The following F2RL1 variants were observed in gnomAD, a reference collection of about 807,000 sequenced individuals.
F2RL1 encodes proteinase-activated receptor 2.
A neutral mutation model predicts 21.7 loss-of-function variants in F2RL1; 16 were observed. The observed-to-expected ratio is 0.74, with a 90% CI of 0.50 to 1.12. F2RL1 has a LOEUF of 1.12. Ranked by LOEUF, F2RL1 falls within the 50% of genes most tolerant of loss-of-function variation. The probability of loss-of-function intolerance (pLI) is 0.00; values close to 1 mark genes in which losing one functional copy is unlikely to be tolerated. For synonymous variants in F2RL1, 181 were observed against 186.7 expected, an observed-to-expected ratio of 0.97 and a Z score of 0.25; for missense variants, 432 against 477.8, an observed-to-expected ratio of 0.90 and a Z score of 0.89.
intron 1 of F2RL1, among the ~76,000 whole-genome samples, chr5:76,829,957 C>T (rs1750321626): frequency 6.6e-6 from 1 of 152,144 alleles, no homozygotes; most frequent in African/African-American, 2.4e-5. Flanking sequence ...AATAGAACCA[C>T]TAGAAATAGG....
chr5:76,832,687 C>G lies in F2RL1; in HGVS notation c.83-3C>G. 1 of 1,590,776 alleles carries G rather than the reference C, an allele frequency of 6.3e-7. No individual in the cohort carries two copies. On this transcript the variant is annotated splice_polypyrimidine_tract_variant and splice_region_variant and intron_variant, in intron 1 of 1. Coordinates refer to ENST00000296677, the MANE Select transcript of F2RL1 (RefSeq NM_005242.6). ...ATGACCCTTGTCTTCCTTTCTTGTA[C>G]AGGAACCAGTAGATCCTCTAAAGGA...
At chr5:76,831,195 T>A (rs539831795) in intron 1 of F2RL1, among the ~76,000 whole-genome samples, 2 of 152,264 alleles carry the variant, frequency 1.3e-5, no homozygotes, top group African/African-American at 4.8e-5. Flanking sequence ...AAGTCTGTCA[T>A]CAGTACAGCC....
chr5:76,823,503 C>T (rs987503362), intron 1 of F2RL1, among the ~76,000 whole-genome samples: 5 of 151,478 alleles, frequency 3.3e-5, no homozygotes, highest in African/African-American at 1.2e-4. Context: ...CTCAGCCTCT[C>T]AAGTAGATGG....
rs936004627 is a variant in F2RL1, at chr5:76,824,055, A to C, written c.82+4791A>C. The stretch of plus-strand genomic sequence containing the variant: ...TCTCGGTCTCCTGACCTCGTGACCC[A>C]CCTGCCTCGGCCTCCCAAAGTGCTG... On this transcript the variant is annotated intron_variant, in intron 1 of 1. Transcript: ENST00000296677. Among the ~76,000 whole-genome samples the C allele has an allele frequency of 8.1e-5, 12 of 148,174 alleles. No homozygotes were observed. In the East Asian group the frequency reaches 2.5e-3, roughly 30 times the overall value.
chr5:76,819,941 GT>G (rs1158380631), intron 1 of F2RL1, among the ~76,000 whole-genome samples: 1 of 152,198 alleles, frequency 6.6e-6, no homozygotes, highest in Admixed American at 6.5e-5. Flanking sequence ...GGTTCTGGTG[GT>G]AATGAGCGCT....
rs1750398754 is a variant in F2RL1, at chr5:76,833,615, C to T, written c.1008C>T (p.Asn336=). ...TAGCCCTCTGCCTCTCTACCCTTAACAGCTGCATCGACCCCTTTGTCTATT... is the reference window on the plus strand; with the variant it reads ...TAGCCCTCTGCCTCTCTACCCTTAATAGCTGCATCGACCCCTTTGTCTATT... The part of the protein sequence containing the change: ...YIVALCLSTL[N]SCIDPFVYYF... Residue 336 remains asparagine (N), a synonymous_variant, in exon 2 of 2, where the codon AAC becomes AAT. Transcript: ENST00000296677. 2 of 1,614,038 alleles carry T rather than the reference C, an allele frequency of 1.2e-6. No homozygotes were observed. Among genetic ancestry groups the T allele is most frequent in the South Asian group, 1.1e-5 (1 of 91,078 alleles).
In F2RL1 at chr5:76,833,927, C is replaced by A; in HGVS notation, c.*126C>A. On this transcript the variant is annotated 3_prime_UTR_variant, in exon 2 of 2. Transcript: ENST00000296677. ...CATACCATGTGGATGCAGCACCTCT[C>A]AGGATTGCTAGGAGCTCCCCTGTTT... 1 of 1,026,672 alleles carries A rather than the reference C, an allele frequency of 9.7e-7. No individual in the cohort carries two copies. Among genetic ancestry groups the A allele is most frequent in the Non-Finnish European group, 1.4e-6 (1 of 707,296 alleles). The allele number at this position is 1,026,672 out of a possible 1,614,324, so 63.6% of individuals were successfully genotyped here.
At chr5:76,827,744 C>T (rs1238671135) in intron 1 of F2RL1, among the ~76,000 whole-genome samples, 4 of 150,800 alleles carry the variant, frequency 2.7e-5, no homozygotes, top group African/African-American at 7.3e-5. Flanking sequence ...GGACTATAGG[C>T]GTGTGCCACC....
At position 76,823,002 on chromosome 5, in the gene F2RL1, G is replaced by A. The variant is rs1033412181; in HGVS notation, c.82+3738G>A. On this transcript the variant is annotated intron_variant, in intron 1 of 1. Transcript: ENST00000296677. Reference sequence around the variant, plus strand: ...ATCCCAGCACTTTGGAAGTCAAGGCGGGTGGATCACAAGGTCAGGAGATCA... The same window carrying A: ...ATCCCAGCACTTTGGAAGTCAAGGCAGGTGGATCACAAGGTCAGGAGATCA... Among the ~76,000 whole-genome samples, 9 of 152,236 alleles carry A rather than the reference G, an allele frequency of 5.9e-5. 1 individual carries two copies. Among genetic ancestry groups the A allele is most frequent in the East Asian group, 5.8e-4 (3 of 5,178 alleles).
At chr5:76,826,435 G>A (rs1750239748) in intron 1 of F2RL1, among the ~76,000 whole-genome samples, 1 of 152,148 alleles carries the variant, frequency 6.6e-6, no homozygotes, top group South Asian at 2.1e-4. Context: ...ATAGAAATGG[G>A]ATAATGTGTT....
chr5:76,821,608 C>A (rs1304699516), intron 1 of F2RL1, among the ~76,000 whole-genome samples: 3 of 125,618 alleles, frequency 2.4e-5, no homozygotes, highest in Non-Finnish European at 4.9e-5. Context: ...TTTTGACTCT[C>A]ATTCGGTTGC....
chr5:76,821,962 A>G (rs1235069655), intron 1 of F2RL1, among the ~76,000 whole-genome samples: 1 of 152,144 alleles, frequency 6.6e-6, no homozygotes, highest in Non-Finnish European at 1.5e-5. Context: ...GAAACATTTA[A>G]TTAAATCACC....
intron 1 of F2RL1, among the ~76,000 whole-genome samples, chr5:76,824,154 A>C (rs1032794803): frequency 0.011 from 780 of 69,486 alleles, no homozygotes; most frequent in African/African-American, 0.018. Context: ...AGTCCTCCCC[A>C]CCACACCCCC....
At chr5:76,828,759 A>G (rs1444697408) in intron 1 of F2RL1, among the ~76,000 whole-genome samples, 2 of 151,760 alleles carry the variant, frequency 1.3e-5, no homozygotes, top group Admixed American at 1.3e-4. Flanking sequence ...CTCGCAAAGC[A>G]CTGGGATTAT....
rs569523487 is a variant in F2RL1 at position 76,829,900 on chromosome 5, T to A, written c.83-2790T>A. On this transcript the variant is annotated intron_variant, in intron 1 of 1. Transcript: ENST00000296677. ...CACTGTAATATGTAGGAATTTTTTTTAAATTTAAAAACAACATATGTTCTT... is the reference window on the plus strand; with the variant it reads ...CACTGTAATATGTAGGAATTTTTTTAAAATTTAAAAACAACATATGTTCTT... 1.4e-4 allele frequency among the ~76,000 whole-genome samples: 22 copies of A among 152,276 alleles called. 1 individual carries two copies. In the South Asian group the frequency reaches 3.3e-3, roughly 23 times the overall value.
At chr5:76,822,958 G>A (rs896754843) in intron 1 of F2RL1, among the ~76,000 whole-genome samples, 2 of 152,148 alleles carry the variant, frequency 1.3e-5, no homozygotes, top group African/African-American at 4.8e-5. Flanking sequence ...TAGGCCAAGC[G>A]TGGTGGCTCA....
At chr5:76,830,014 C>T (rs1750322647) in intron 1 of F2RL1, among the ~76,000 whole-genome samples, 1 of 152,132 alleles carries the variant, frequency 6.6e-6, no homozygotes, top group South Asian at 2.1e-4. Context: ...AGCAAATTGC[C>T]ATAAACTGAT....
chr5:76,819,328 A>G, intron 1 of F2RL1, 64 bp downstream of exon 1: 1 of 1,402,664 alleles, frequency 7.1e-7, no homozygotes, highest in Non-Finnish European at 9.7e-7. Flanking sequence ...CACGCTGGGC[A>G]GACGGTGGGA....
At chr5:76,829,992 T>G (rs1459091974) in intron 1 of F2RL1, among the ~76,000 whole-genome samples, 1 of 152,198 alleles carries the variant, frequency 6.6e-6, no homozygotes, top group Admixed American at 6.5e-5. Flanking sequence ...ATTAGTTTCT[T>G]GTGGCTACCA....
Sources: allele counts gnomAD v4.1 joint callset (sites outside exome capture counted in the v4.1 genomes callset), GRCh38; gene constraint gnomAD v4.1.1; transcripts MANE v1.5; gene names NCBI Gene and HGNC (gene_info 2026-07-23, HGNC 2026-07-21).